The following RYR2 variants were observed in gnomAD, a reference collection of about 807,000 sequenced individuals.
RYR2 encodes the protein cardiac muscle ryanodine receptor-calcium release channel.
RYR2 carries 227 observed loss-of-function variants against 601.1 expected under a neutral mutation model. That is an observed-to-expected ratio of 0.38 (90% CI 0.34 to 0.42). The LOEUF is 0.42. RYR2 is among the 10% of genes least tolerant of loss of function. The probability of loss-of-function intolerance (pLI) is 1.00; values close to 1 mark genes in which losing one functional copy is unlikely to be tolerated. For missense variants in RYR2, 4,646 were observed against 6,156.5 expected (o/e 0.75, Z 8.21); for synonymous variants, 2,223 against 2,175.1 (o/e 1.02, Z -0.61).
chr1:237,729,693 G>C (rs180984379), intron 76 of RYR2, among the ~76,000 whole-genome samples: 2 of 152,038 alleles, frequency 1.3e-5, no homozygotes. Context: ...CATCTGCACT[G>C]GTCTTTTTTC....
Position 237,723,253 on chromosome 1 carries a change from T to A in RYR2, c.10680T>A (p.His3560Gln), listed in dbSNP as rs727503404. The A allele has an allele frequency of 7.1e-5, 115 of 1,611,782 alleles. No individual in the cohort carries two copies. The highest frequency in any genetic ancestry group is 1.0e-4 in the Admixed American group (6 of 59,970). ...RVLDIANVLF[H>Q]LEQKSKRVGR... ...TGGATATAGCAAATGTGCTTTTTCATCTTGAACAGGTCAGGCTTTGTGTCA... is the reference window on the plus strand; with the variant it reads ...TGGATATAGCAAATGTGCTTTTTCAACTTGAACAGGTCAGGCTTTGTGTCA... The change falls in exon 74 of 105, where the codon CAT becomes CAA. Residue 3560 changes from histidine (H) to glutamine (Q), a missense_variant. His to Gln is a conservative substitution (Grantham distance 24). Around this residue, in one of 17 missense-constraint regions of RYR2, gnomAD observed 1,497 missense variants for 1,842.6 expected, o/e 0.81. Transcript: ENST00000366574.
At chr1:237,312,417 A>G (rs1232017387) in intron 2 of RYR2, among the ~76,000 whole-genome samples, 3 of 152,222 alleles carry the variant, frequency 2.0e-5, no homozygotes, top group Non-Finnish European at 4.4e-5. Context: ...TGTACTTCAA[A>G]TGATGAATTT....
intron 11 of RYR2, among the ~76,000 whole-genome samples, chr1:237,417,345 T>A (rs190920255): frequency 6.6e-6 from 1 of 152,276 alleles, no homozygotes; most frequent in Admixed American, 6.5e-5. Context: ...AAATAAGCAA[T>A]AATTTTGTAC....
intron 1 of RYR2, among the ~76,000 whole-genome samples, chr1:237,269,524 T>C (rs949887926): frequency 6.6e-6 from 1 of 152,220 alleles, no homozygotes; most frequent in Admixed American, 6.5e-5. Context: ...GCTCTTTTAC[T>C]ACTCTGTTAT....
intron 1 of RYR2, among the ~76,000 whole-genome samples, chr1:237,256,380 T>C (rs1687984621): frequency 6.6e-6 from 1 of 152,172 alleles, no homozygotes; most frequent in South Asian, 2.1e-4. Context: ...AGTAAGTTGG[T>C]ACCAGGAGTG....
intron 37 of RYR2, among the ~76,000 whole-genome samples, chr1:237,616,384 A>G (rs1445185107): frequency 6.6e-6 from 1 of 152,200 alleles, no homozygotes. Context: ...AGACCCAGCT[A>G]ATCACTGAAT....
At chr1:237,607,333 C>A (rs1004686281) in intron 35 of RYR2, among the ~76,000 whole-genome samples, 1 of 151,812 alleles carries the variant, frequency 6.6e-6, no homozygotes, top group Non-Finnish European at 1.5e-5. Flanking sequence ...GACAAAAAAC[C>A]ACACACCGCA....
chr1:237,134,666 T>C (rs987558192), intron 1 of RYR2, among the ~76,000 whole-genome samples: 3 of 152,240 alleles, frequency 2.0e-5, no homozygotes, highest in African/African-American at 7.2e-5. Flanking sequence ...TCTGATGTTC[T>C]CTTTAATGAT....
intron 24 of RYR2, among the ~76,000 whole-genome samples, chr1:237,528,138 A>G (rs542593550): frequency 6.6e-6 from 1 of 152,332 alleles, no homozygotes; most frequent in African/African-American, 2.4e-5. Flanking sequence ...AAGAGAAGCC[A>G]TAAAGTGCTT....
chr1:237,208,936 G>A (rs1166166814), intron 1 of RYR2, among the ~76,000 whole-genome samples: 2 of 89,870 alleles, frequency 2.2e-5, no homozygotes, highest in African/African-American at 4.4e-5. Context: ...ATGTGTGTGT[G>A]TATATATATA....
chr1:237,266,751 T>C (rs1689101442), intron 1 of RYR2, among the ~76,000 whole-genome samples: 1 of 151,898 alleles, frequency 6.6e-6, no homozygotes, highest in Non-Finnish European at 1.5e-5. Flanking sequence ...GAACCACGAT[T>C]GAAAGCTGTA....
At chr1:237,506,018 G>A (rs1665187282) in intron 22 of RYR2, among the ~76,000 whole-genome samples, 1 of 152,158 alleles carries the variant, frequency 6.6e-6, no homozygotes, top group Admixed American at 6.5e-5. Flanking sequence ...TATAATGTGG[G>A]CACTGAATTG....
chr1:237,274,257 A>G (rs1171443641), intron 2 of RYR2, among the ~76,000 whole-genome samples: 1 of 151,462 alleles, frequency 6.6e-6, no homozygotes, highest in Non-Finnish European at 1.5e-5. Flanking sequence ...ACACAGCTGT[A>G]TGCCACATAC....
At chr1:237,759,628 T>C (rs1022401708) in intron 82 of RYR2, 148 bp from the exon 83 acceptor site, 1 of 647,444 alleles carries the variant, frequency 1.5e-6, no homozygotes, top group African/African-American at 1.8e-5. Context: ...GTGTTCCTAC[T>C]TCATGATAAA....
intron 57 of RYR2, among the ~76,000 whole-genome samples, 163 bp from the exon 58 acceptor site, chr1:237,667,720 C>G (rs1018980268): frequency 6.6e-6 from 1 of 152,082 alleles, no homozygotes; most frequent in Non-Finnish European, 1.5e-5. Flanking sequence ...CCTTACAATT[C>G]TCTGGGATTC....
intron 1 of RYR2, among the ~76,000 whole-genome samples, chr1:237,101,832 A>G (rs1668135824): frequency 6.6e-6 from 1 of 152,236 alleles, no homozygotes; most frequent in African/African-American, 2.4e-5. Flanking sequence ...TTTTTCAGTC[A>G]ATCAGCCACT....
chr1:237,774,937 C>T (rs1441173208), intron 87 of RYR2, among the ~76,000 whole-genome samples: 2 of 151,800 alleles, frequency 1.3e-5, no homozygotes, highest in Non-Finnish European at 2.9e-5. Context: ...CTGAATGTAT[C>T]GAAATCTAGA....
Position 237,655,991 on chromosome 1 carries a change from A to T in RYR2, c.8129+7A>T, listed in dbSNP as rs766531702. 2.5e-6 allele frequency: 4 copies of T among 1,611,822 alleles called. No individual in the cohort carries two copies. Among genetic ancestry groups the T allele is most frequent in the South Asian group, 2.2e-5 (2 of 90,552 alleles). On this transcript the variant is annotated splice_region_variant and intron_variant, in intron 53 of 104. Transcript: ENST00000366574. ...AACCTGTTGATACCTCAAAGTATGG[A>T]CTCTTTCTATTGCAGCAGATTTTTA...
intron 1 of RYR2, among the ~76,000 whole-genome samples, chr1:237,187,144 A>G (rs1679434935): frequency 6.6e-6 from 1 of 151,974 alleles, no homozygotes; most frequent in Admixed American, 6.6e-5. Flanking sequence ...CCTTGTAGTA[A>G]AAGTATAGTG....
Sources: allele counts gnomAD v4.1 joint callset (sites outside exome capture counted in the v4.1 genomes callset), GRCh38; gene constraint gnomAD v4.1.1; regional missense constraint gnomAD v4.1.1; transcripts MANE v1.5; gene names NCBI Gene and HGNC (gene_info 2026-07-23, HGNC 2026-07-21).